Variants in PNPLA7 observed in about 807,000 individuals in gnomAD.
The protein encoded by PNPLA7 is patatin-like phospholipase domain-containing protein 7.
PNPLA7 carries 153 observed loss-of-function variants against 161.7 expected under a neutral mutation model. That is an observed-to-expected ratio of 0.95 (90% CI 0.83 to 1.08). The LOEUF is 1.08. PNPLA7 is among the 50% of genes least tolerant of loss of function. The pLI is 0.00. For synonymous variants in PNPLA7, 809 were observed against 782.1 expected, an observed-to-expected ratio of 1.03 and a Z score of -0.57; for missense variants, 1,739 against 1,856.6, an observed-to-expected ratio of 0.94 and a Z score of 1.16.
chr9:137,474,735 G>A lies in PNPLA7; in HGVS notation c.2882+3299C>T, dbSNP rs567623219. 1.9e-3 allele frequency among the ~76,000 whole-genome samples: 286 copies of A among 152,152 alleles called. 1 individual carries two copies. The highest frequency in any genetic ancestry group is 0.016 in the South Asian group (79 of 4,818). ...GACCATCAGAAGCTCCAGGAAGGCT[G>A]GGCGCAGTGGCTCACGCCTGTAATC... On this transcript the variant is annotated intron_variant, in intron 25 of 34. Coordinates refer to ENST00000406427, the MANE Select transcript of PNPLA7 (RefSeq NM_001098537.3).
chr9:137,466,830 C>G (rs865844178), intron 26 of PNPLA7, among the ~76,000 whole-genome samples: 3 of 147,930 alleles, frequency 2.0e-5, no homozygotes, highest in African/African-American at 7.6e-5. Flanking sequence ...CACCTCCCAC[C>G]ACCGTCTCCA....
At chr9:137,522,199 C>T (rs2353069) in intron 9 of PNPLA7, among the ~76,000 whole-genome samples, 5 of 151,916 alleles carry the variant, frequency 3.3e-5, no homozygotes, top group East Asian at 2.0e-4. Flanking sequence ...CTCAGCCTCC[C>T]GAGTAGCTGG....
intron 12 of PNPLA7, among the ~76,000 whole-genome samples, chr9:137,511,924 T>G (rs763849379): frequency 9.2e-5 from 14 of 152,154 alleles, no homozygotes; most frequent in Non-Finnish European, 1.9e-4. Context: ...CGTGGACAGG[T>G]GACTTGCTTG....
chr9:137,473,638 A>G (rs1341042139), intron 25 of PNPLA7, among the ~76,000 whole-genome samples: 3 of 152,238 alleles, frequency 2.0e-5, no homozygotes, highest in Non-Finnish European at 4.4e-5. Context: ...AAAAGGAATA[A>G]AGAACTTAAA....
chr9:137,543,709 A>G lies in PNPLA7; in HGVS notation c.365+15T>C. 1 of 1,613,546 alleles carries G rather than the reference A, an allele frequency of 6.2e-7. No homozygotes were observed. Among genetic ancestry groups the G allele is most frequent in the Admixed American group, 1.7e-5 (1 of 60,020 alleles). The stretch of plus-strand genomic sequence containing the variant: ...GGCACCTGGGGCAGGATGTGGTCTG[A>G]AGGACACACAGTACCTCTTGGCCAA... On this transcript the variant is annotated intron_variant, in intron 5 of 34. Transcript: ENST00000406427. This position sits in a 1 kb window ranked among gnomAD's most constrained non-coding sequence, Gnocchi z 6.9.
At position 137,479,107 on chromosome 9, in the gene PNPLA7, C is replaced by T. The variant is rs755357634; in HGVS notation, c.2712G>A (p.Leu904=). The T allele has an allele frequency of 2.5e-6, 4 of 1,600,076 alleles. No individual in the cohort carries two copies. The highest frequency in any genetic ancestry group is 2.0e-4 in the Middle Eastern group (1 of 5,074). Residue 904 remains leucine, a synonymous_variant, in exon 24 of 35, where the codon CTG becomes CTA. Coordinates refer to ENST00000406427, the MANE Select transcript of PNPLA7 (RefSeq NM_001098537.3). ...LNMRSWCSGH[L]HLCCPRRVFS... The stretch of plus-strand genomic sequence containing the variant: ...AGACGCGGCGCGGGCAGCAGAGGTG[C>T]AGGTGGCCGGAGCACCAGCTCCGCA...
chr9:137,507,865 C>G (rs1220233823), intron 12 of PNPLA7, among the ~76,000 whole-genome samples: 1 of 151,906 alleles, frequency 6.6e-6, no homozygotes, highest in Non-Finnish European at 1.5e-5. Flanking sequence ...GCCTGGACAA[C>G]ATAGTGAGAG....
chr9:137,549,487 G>A (rs747679219), intron 1 of PNPLA7, among the ~76,000 whole-genome samples: 5 of 150,598 alleles, frequency 3.3e-5, no homozygotes, highest in South Asian at 2.1e-4. Context: ...GGAGAATGGC[G>A]TGAACCTGGG....
rs370831155 is a variant in PNPLA7, at chr9:137,512,497, T to C, written c.1225+2882A>G. 6.6e-5 allele frequency among the ~76,000 whole-genome samples: 10 copies of C among 152,330 alleles called. No homozygotes were observed. The South Asian group carries it at 2.1e-3, about 32-fold the overall frequency. ...TACAACCAGACATGGCTGCTGGTGG[T>C]AACAAGAGGAGCATGAACGGGGCTT... is the stretch of plus-strand genomic sequence containing the variant. On this transcript the variant is annotated intron_variant, in intron 12 of 34. Transcript: ENST00000406427.
Position 137,541,013 on chromosome 9 carries a change from T to TGCTGAGCTATA in PNPLA7, c.667-292_667-291insTATAGCTCAGC, listed in dbSNP as rs1836173799. On this transcript the variant is annotated intron_variant, in intron 7 of 34. Coordinates refer to ENST00000406427, the MANE Select transcript of PNPLA7 (RefSeq NM_001098537.3). This position sits in a 1 kb window ranked among gnomAD's most constrained non-coding sequence, Gnocchi z 4.4. ...GAGGCAAAAGCTCGCAGAGCCTGTTTGTTTGCTGAGCTAACTATAAGGACT... is the reference window on the plus strand; with the variant it reads ...GAGGCAAAAGCTCGCAGAGCCTGTTTGCTGAGCTATAGTTTGCTGAGCTAACTATAAGGACT... Among the ~76,000 whole-genome samples, 1 of 152,230 alleles carries TGCTGAGCTATA rather than the reference T, an allele frequency of 6.6e-6. No homozygotes were observed. Among genetic ancestry groups the TGCTGAGCTATA allele is most frequent in the Non-Finnish European group, 1.5e-5 (1 of 68,036 alleles).
Position 137,530,034 on chromosome 9 carries a change from G to A in PNPLA7, c.748-7177C>T, listed in dbSNP as rs112481234. Among the ~76,000 whole-genome samples the A allele has an allele frequency of 3.8e-3, 579 of 151,340 alleles. 4 individuals are homozygous for A. Among genetic ancestry groups the A allele is most frequent in the African/African-American group, 0.013 (550 of 41,166 alleles). ...GGCTGTGGTGCAGTGGCATGATCTCGGCTCACTGCAACTTCTGCCTCCCGG... is the reference window on the plus strand; with the variant it reads ...GGCTGTGGTGCAGTGGCATGATCTCAGCTCACTGCAACTTCTGCCTCCCGG... On this transcript the variant is annotated intron_variant, in intron 8 of 34. Coordinates refer to ENST00000406427, the MANE Select transcript of PNPLA7 (RefSeq NM_001098537.3).
chr9:137,548,814 C>T (rs563488847), intron 1 of PNPLA7, among the ~76,000 whole-genome samples: 1 of 152,308 alleles, frequency 6.6e-6, no homozygotes, highest in African/African-American at 2.4e-5. Context: ...CAATTCTGCA[C>T]CAAGACAGAA....
intron 26 of PNPLA7, chr9:137,464,678 G>T (rs541069869): frequency 3.5e-6 from 2 of 571,802 alleles, no homozygotes; most frequent in South Asian, 2.0e-5. Context: ...GCCCACCCTC[G>T]GTCCCTTCCT....
At chr9:137,485,811 C>T (rs1832450657) in intron 20 of PNPLA7, among the ~76,000 whole-genome samples, 1 of 152,234 alleles carries the variant, frequency 6.6e-6, no homozygotes, top group Non-Finnish European at 1.5e-5. Flanking sequence ...GGACCCTCTC[C>T]CTGGGCCCCA....
rs1179535606 is a variant in PNPLA7 at position 137,486,926 on chromosome 9, G to C, written c.2198-2190C>G. 6.6e-6 allele frequency among the ~76,000 whole-genome samples: 1 copy of C among 151,926 alleles called. No homozygotes were observed. The highest frequency in any genetic ancestry group is 1.5e-5 in the Non-Finnish European group (1 of 67,966). ...ACACAGCTCTCTTCCTGGCCCCAAGGGTCCTGACCTCCTCAGGGAGCGCTG... is the reference window on the plus strand; with the variant it reads ...ACACAGCTCTCTTCCTGGCCCCAAGCGTCCTGACCTCCTCAGGGAGCGCTG... On this transcript the variant is annotated intron_variant, in intron 20 of 34. Transcript: ENST00000406427. The surrounding 1 kb of genome is among the most constrained non-coding windows in gnomAD (Gnocchi z 6.0).
intron 8 of PNPLA7, among the ~76,000 whole-genome samples, chr9:137,528,160 T>C (rs1190785554): frequency 1.3e-5 from 2 of 152,224 alleles, no homozygotes; most frequent in Admixed American, 1.3e-4. Flanking sequence ...GGCTGGAGGA[T>C]TTTTCATTTT....
In PNPLA7 at chr9:137,497,156, G is replaced by A. The variant is rs142989956; in HGVS notation, c.2013+31C>T. On this transcript the variant is annotated intron_variant, in intron 18 of 34. Coordinates refer to ENST00000406427, the MANE Select transcript of PNPLA7 (RefSeq NM_001098537.3). ...GATGCTCTGGGAGGGATGCAGAGGT[G>A]GGGGAGGCAGGAGCAGGGCCCAGCA... 7.2e-6 allele frequency: 11 copies of A among 1,517,274 alleles called. No homozygotes were observed. The Middle Eastern group carries it at 6.8e-4, about 93-fold the overall frequency. 94.0% of individuals were successfully genotyped at this position (1,517,274 alleles called of 1,614,324 possible).
At chr9:137,493,354 G>C (rs775488454) in intron 19 of PNPLA7, among the ~76,000 whole-genome samples, 2 of 152,192 alleles carry the variant, frequency 1.3e-5, no homozygotes, top group Non-Finnish European at 2.9e-5. Flanking sequence ...CTCTGTGACC[G>C]TGAGCCCAGG....
At chr9:137,502,727 A>ACGCGGGGGG (rs1833535930) in intron 14 of PNPLA7, among the ~76,000 whole-genome samples, 1 of 63,982 alleles carries the variant, frequency 1.6e-5, no homozygotes, top group Non-Finnish European at 3.3e-5. Context: ...GACGCGGGGG[A>ACGCGGGGGG]CGGGGGGGAC....
Sources: allele counts gnomAD v4.1 joint callset (sites outside exome capture counted in the v4.1 genomes callset), GRCh38; gene constraint gnomAD v4.1.1; non-coding constraint Gnocchi (gnomAD v3.1); transcripts MANE v1.5; gene names NCBI Gene and HGNC (gene_info 2026-07-23, HGNC 2026-07-21).